KLRG1: variants seen among roughly 807,000 people sequenced by gnomAD.
KLRG1 encodes the protein killer cell lectin like receptor G1.
In KLRG1, 16 loss-of-function variants were observed where a neutral mutation model predicts 21.8. The observed-to-expected ratio is 0.73, with a 90% CI of 0.50 to 1.11. The LOEUF is 1.11. Among genes scored for constraint, KLRG1 ranks in the 50% most tolerant of loss-of-function variants. The probability of loss-of-function intolerance (pLI) is 0.00; values close to 1 mark genes in which losing one functional copy is unlikely to be tolerated. For synonymous variants in KLRG1, 69 were observed against 75.9 expected, an observed-to-expected ratio of 0.91 and a Z score of 0.47; for missense variants, 173 against 218.3, an observed-to-expected ratio of 0.79 and a Z score of 1.31.
At chr12:9,180,698 T>A in the KLRG1 span, among the ~76,000 whole-genome samples, 3 of 152,188 alleles carry the variant, frequency 2.0e-5, no homozygotes, top group Non-Finnish European at 1.5e-5. Flanking sequence ...ATAAAAACCC[T>A]AGAAGAAAAC....
chr12:9,162,895 A>T, the KLRG1 span, among the ~76,000 whole-genome samples: 1 of 152,266 alleles, frequency 6.6e-6, no homozygotes, highest in African/African-American at 2.4e-5. Context: ...TAAGCCCAGC[A>T]TCCACTAGCT....
the KLRG1 span, among the ~76,000 whole-genome samples, chr12:9,089,576 A>G: frequency 2.8e-4 from 42 of 152,250 alleles, no homozygotes; most frequent in African/African-American, 8.7e-4. Flanking sequence ...TCCTGTCTCT[A>G]CTAAAAATAC....
the KLRG1 span, among the ~76,000 whole-genome samples, chr12:9,136,246 G>T: frequency 6.6e-6 from 1 of 152,296 alleles, no homozygotes; most frequent in African/African-American, 2.4e-5. Context: ...ACATTTGCTA[G>T]CTTGTAGTTT....
At chr12:8,950,209 C>T (rs1946172907) in exon 1 of KLRG1, 1 of 152,256 alleles carries the variant, frequency 6.6e-6, no homozygotes, top group Non-Finnish European at 1.5e-5. Context: ...TTCTTAACGA[C>T]ACCTCTCCTC....
chr12:8,979,248 C>T (rs1165748455), intron 1 of KLRG1, among the ~76,000 whole-genome samples: 1 of 151,962 alleles, frequency 6.6e-6, no homozygotes, highest in Non-Finnish European at 1.5e-5. Flanking sequence ...GAACTCCTGA[C>T]CTCAGGTGAT....
chr12:9,104,299 A>C, the KLRG1 span: 1 of 1,613,346 alleles, frequency 6.2e-7, no homozygotes, highest in Middle Eastern at 1.6e-4. Flanking sequence ...GTACAAGGCC[A>C]TGCTCATCCG....
At chr12:9,098,143 G>A in the KLRG1 span, among the ~76,000 whole-genome samples, 1 of 152,130 alleles carries the variant, frequency 6.6e-6, no homozygotes. Context: ...GGCTTCCCCG[G>A]TTGCTCAGTT....
the KLRG1 span, chr12:9,074,445 C>T: frequency 9.5e-7 from 1 of 1,052,010 alleles, no homozygotes; most frequent in Non-Finnish European, 1.4e-6. Context: ...AAAACTTTTC[C>T]TCATTTCAAG....
the KLRG1 span, among the ~76,000 whole-genome samples, chr12:9,143,207 A>T: frequency 1.3e-5 from 2 of 152,222 alleles, no homozygotes; most frequent in Non-Finnish European, 2.9e-5. Context: ...GGATTTTCAG[A>T]GAAAGATCCA....
intron 2 of KLRG1, among the ~76,000 whole-genome samples, chr12:8,993,502 C>A (rs774782005): frequency 6.8e-4 from 104 of 152,082 alleles, no homozygotes; most frequent in South Asian, 4.2e-3. Flanking sequence ...GTTGGCCAGG[C>A]TGGTCTCGAA....
At chr12:9,151,715 T>A in the KLRG1 span, 2 of 1,504,826 alleles carry the variant, frequency 1.3e-6, no homozygotes, top group Middle Eastern at 1.7e-4. Flanking sequence ...AGAGAACAGA[T>A]GTGAGAATGG....
chr12:8,999,041 C>CT (rs762459172), intron 3 of KLRG1, among the ~76,000 whole-genome samples: 3,028 of 149,150 alleles, frequency 0.02, 104 homozygotes, highest in African/African-American at 0.069. Context: ...CTTATTATCT[C>CT]TTTTTTTTTT....
the KLRG1 span, among the ~76,000 whole-genome samples, chr12:9,051,054 A>G: frequency 2.0e-5 from 3 of 152,154 alleles, no homozygotes; most frequent in African/African-American, 7.2e-5. Context: ...AGTCCCACCA[A>G]CTGGAGTGGG....
the KLRG1 span, among the ~76,000 whole-genome samples, chr12:9,147,416 T>C: frequency 6.6e-6 from 1 of 152,322 alleles, no homozygotes; most frequent in African/African-American, 2.4e-5. Context: ...CTAATTGTAT[T>C]ATGCTATGCT....
At chr12:9,204,529 G>A in the KLRG1 span, among the ~76,000 whole-genome samples, 1 of 152,142 alleles carries the variant, frequency 6.6e-6, no homozygotes, top group African/African-American at 2.4e-5. Flanking sequence ...CTGAAAAAAA[G>A]TATTTGCTGT....
chr12:9,163,802 A>C, the KLRG1 span: 1 of 1,609,250 alleles, frequency 6.2e-7, no homozygotes, highest in East Asian at 2.2e-5. Context: ...AAAACAAGGA[A>C]TATTGAAAAC....
chr12:9,202,281 T>A, the KLRG1 span: 2 of 1,547,818 alleles, frequency 1.3e-6, no homozygotes, highest in African/African-American at 1.4e-5. Context: ...GTATTCCCAC[T>A]CTACCCACAA....
the KLRG1 span, chr12:9,069,829 A>G: frequency 1.9e-6 from 3 of 1,612,476 alleles, no homozygotes; most frequent in African/African-American, 2.7e-5. Flanking sequence ...GAAAATTGAA[A>G]TACCACAAAT....
chr12:9,090,343 G>GT, the KLRG1 span: 1 of 1,613,960 alleles, frequency 6.2e-7, no homozygotes, highest in South Asian at 1.1e-5. Flanking sequence ...ATCTCTAGCA[G>GT]TTTTTTGCTC....
Sources: allele counts gnomAD v4.1 joint callset (sites outside exome capture counted in the v4.1 genomes callset), GRCh38; gene constraint gnomAD v4.1.1; transcripts MANE v1.5; gene names NCBI Gene and HGNC (gene_info 2026-07-23, HGNC 2026-07-21).